Variants in KCNMB4 observed in about 807,000 individuals in gnomAD.
KCNMB4 encodes potassium calcium-activated channel subfamily M regulatory beta subunit 4.
KCNMB4 carries 3 observed loss-of-function variants against 20.7 expected under a neutral mutation model. The ratio of observed to expected loss-of-function variants is 0.14; its 90% confidence interval spans 0.07 to 0.37. The LOEUF (loss-of-function observed/expected upper bound fraction) is 0.37. Among genes scored for constraint, KCNMB4 ranks in the 10% least tolerant of loss-of-function variants. KCNMB4 has a pLI of 1.00. For missense variants in KCNMB4, 168 were observed against 265.9 expected, an observed-to-expected ratio of 0.63 and a Z score of 2.56; for synonymous variants, 110 against 113.4, an observed-to-expected ratio of 0.97 and a Z score of 0.19.
intron 2 of KCNMB4, among the ~76,000 whole-genome samples, chr12:70,409,298 AG>A: frequency 6.6e-6 from 1 of 152,270 alleles, no homozygotes; most frequent in South Asian, 2.1e-4. Context: ...GGCTTGTTGA[AG>A]GCATCCTCAA....
chr12:70,404,051 A>G (rs1868529408), intron 2 of KCNMB4, among the ~76,000 whole-genome samples: 1 of 152,250 alleles, frequency 6.6e-6, no homozygotes, highest in African/African-American at 2.4e-5. Flanking sequence ...AGAAGGGGGA[A>G]GACTGAACAT....
intron 1 of KCNMB4, among the ~76,000 whole-genome samples, chr12:70,374,355 C>G (rs1025670407): frequency 6.6e-6 from 1 of 151,974 alleles, no homozygotes; most frequent in Non-Finnish European, 1.5e-5. Context: ...CAGTCCTTAG[C>G]AGAATTTCAA....
chr12:70,376,627 G>A (rs1883691114), intron 1 of KCNMB4, among the ~76,000 whole-genome samples: 1 of 151,858 alleles, frequency 6.6e-6, no homozygotes, highest in African/African-American at 2.4e-5. Flanking sequence ...CAGCACTTTG[G>A]GAGGCCAAAG....
At chr12:70,369,140 G>A (rs1883547057) in intron 1 of KCNMB4, among the ~76,000 whole-genome samples, 1 of 152,170 alleles carries the variant, frequency 6.6e-6, no homozygotes, top group South Asian at 2.1e-4. Context: ...AGAAGTCATG[G>A]ACAACATCCT....
At chr12:70,400,759 T>C (rs1868427438) in intron 2 of KCNMB4, among the ~76,000 whole-genome samples, 2 of 152,198 alleles carry the variant, frequency 1.3e-5, no homozygotes, top group Admixed American at 6.5e-5. Flanking sequence ...ATATAAACCA[T>C]GTAAAGATGG....
intron 1 of KCNMB4, among the ~76,000 whole-genome samples, chr12:70,384,505 C>T (rs1177150901): frequency 6.6e-6 from 1 of 152,206 alleles, no homozygotes; most frequent in Non-Finnish European, 1.5e-5. Context: ...CTCTCACAGT[C>T]CCCGTTGGGG....
At chr12:70,403,069 C>T (rs1005931838) in intron 2 of KCNMB4, among the ~76,000 whole-genome samples, 3 of 152,080 alleles carry the variant, frequency 2.0e-5, no homozygotes, top group Admixed American at 6.6e-5. Context: ...CACTTGGAGA[C>T]GGGGTATACC....
intron 1 of KCNMB4, among the ~76,000 whole-genome samples, chr12:70,383,748 C>T (rs889370872): frequency 2.6e-5 from 4 of 152,110 alleles, no homozygotes; most frequent in East Asian, 1.9e-4. Context: ...TATGTGTCTC[C>T]GTATCCCTTT....
At chr12:70,383,815 T>C (rs1264568326) in intron 1 of KCNMB4, among the ~76,000 whole-genome samples, 1 of 152,204 alleles carries the variant, frequency 6.6e-6, no homozygotes, top group African/African-American at 2.4e-5. Flanking sequence ...ACGCCTGTAA[T>C]CCCAGCACTT....
intron 2 of KCNMB4, among the ~76,000 whole-genome samples, chr12:70,425,328 C>T (rs1253091606): frequency 6.6e-6 from 1 of 152,016 alleles, no homozygotes; most frequent in Non-Finnish European, 1.5e-5. Flanking sequence ...GTCCCAGCTA[C>T]TCGGGAGGCT....
At chr12:70,368,904 G>A (rs1166024137) in intron 1 of KCNMB4, among the ~76,000 whole-genome samples, 1 of 152,090 alleles carries the variant, frequency 6.6e-6, no homozygotes, top group Non-Finnish European at 1.5e-5. Flanking sequence ...TCATTGGGAC[G>A]TTGATTTTTA....
In KCNMB4 at chr12:70,402,647, C is replaced by G. The variant is rs1159197188; in HGVS notation, c.464+2311C>G. 6.3e-5 allele frequency among the ~76,000 whole-genome samples: 7 copies of G among 111,296 alleles called. 1 individual carries two copies. The highest frequency in any genetic ancestry group is 1.2e-4 in the Non-Finnish European group (7 of 58,942). The allele number at this position is 111,296 out of a possible 152,430, so 73.0% of individuals were successfully genotyped here. A position where few individuals can be genotyped will look rare whatever the true frequency, so the allele number is the denominator to read the frequency against. ...TTTAGCCTGGGTGACAAAATGAGAC[C>G]CTGCCTCAAAAAAAAAAAAAAAAAA... On this transcript the variant is annotated intron_variant, in intron 2 of 2. Coordinates refer to ENST00000258111, the MANE Select transcript of KCNMB4 (RefSeq NM_014505.6).
intron 1 of KCNMB4, among the ~76,000 whole-genome samples, chr12:70,392,531 C>T (rs1265218162): frequency 6.6e-6 from 1 of 152,122 alleles, no homozygotes; most frequent in African/African-American, 2.4e-5. Flanking sequence ...CACATGCACA[C>T]GTTTGTTTAT....
intron 2 of KCNMB4, among the ~76,000 whole-genome samples, chr12:70,407,558 C>G (rs369429486): frequency 7.4e-4 from 111 of 149,264 alleles, no homozygotes; most frequent in African/African-American, 2.6e-3. Context: ...AGCTCCGCCT[C>G]CCGGGTTCAC....
rs1001320332 is a variant in KCNMB4 at position 70,366,625 on chromosome 12, C to CGCG, written c.-99_-97dup. On this transcript the variant is annotated 5_prime_UTR_variant, in exon 1 of 3. Coordinates refer to ENST00000258111, the MANE Select transcript of KCNMB4 (RefSeq NM_014505.6). ...CTCGCCGCCCACTCCCCTGCTGTCG[C>CGCG]GCGGCGGCGGCGGTGGCGGCGGCGG... 18 of 759,310 alleles carry CGCG rather than the reference C, an allele frequency of 2.4e-5. No individual in the cohort carries two copies. Among genetic ancestry groups the CGCG allele is most frequent in the African/African-American group, 5.6e-5 (3 of 53,368 alleles). 47.0% of individuals were successfully genotyped at this position (759,310 alleles called of 1,614,324 possible).
intron 1 of KCNMB4, among the ~76,000 whole-genome samples, chr12:70,381,263 G>A (rs1462079975): frequency 1.3e-5 from 2 of 151,990 alleles, no homozygotes; most frequent in Admixed American, 1.3e-4. Flanking sequence ...AAAATAAATT[G>A]GAATCTTCAT....
intron 2 of KCNMB4, among the ~76,000 whole-genome samples, chr12:70,426,837 A>G (rs936190094): frequency 6.6e-6 from 1 of 152,190 alleles, no homozygotes; most frequent in African/African-American, 2.4e-5. Flanking sequence ...TTATCACCAC[A>G]TATTTTCAAA....
At chr12:70,372,127 C>A (rs4761201) in intron 1 of KCNMB4, among the ~76,000 whole-genome samples, 109,847 of 152,018 alleles carry the variant, frequency 0.72, 40,060 homozygotes, top group East Asian at 0.94. Context: ...GGAAATAGCA[C>A]ATGCAAAGGC....
At chr12:70,384,332 T>C (rs750047510) in intron 1 of KCNMB4, among the ~76,000 whole-genome samples, 21 of 130,398 alleles carry the variant, frequency 1.6e-4, no homozygotes, top group South Asian at 4.8e-4. Flanking sequence ...TGAGAACTGT[T>C]ACTTTAAAAT....
Sources: allele counts gnomAD v4.1 joint callset (sites outside exome capture counted in the v4.1 genomes callset), GRCh38; gene constraint gnomAD v4.1.1; transcripts MANE v1.5; gene names NCBI Gene and HGNC (gene_info 2026-07-23, HGNC 2026-07-21).